DCDC1: variants seen among roughly 807,000 people sequenced by gnomAD.
The protein encoded by DCDC1 is doublecortin domain containing 1, also known as doublecortin domain-containing protein 1.
DCDC1 carries 200 observed loss-of-function variants against 178.3 expected under a neutral mutation model. That is an observed-to-expected ratio of 1.12 (90% CI 1.00 to 1.26). The LOEUF (loss-of-function observed/expected upper bound fraction) is 1.26. Among genes scored for constraint, DCDC1 ranks in the 50% most tolerant of loss-of-function variants. The pLI is 0.00. For synonymous variants in DCDC1, 690 were observed against 604.8 expected (o/e 1.14, Z -2.07); for missense variants, 1,983 against 1,749.2 (o/e 1.13, Z -2.38).
chr11:31,046,728 G>A (rs764523278), intron 20 of DCDC1, among the ~76,000 whole-genome samples: 3 of 151,632 alleles, frequency 2.0e-5, no homozygotes, highest in Non-Finnish European at 2.9e-5. Flanking sequence ...CGTGATGAGA[G>A]CTTTCTGCTT....
intron 1 of DCDC1, among the ~76,000 whole-genome samples, chr11:31,367,507 T>C (rs899250447): frequency 3.3e-5 from 5 of 151,790 alleles, no homozygotes; most frequent in African/African-American, 7.3e-5. Context: ...ATAGGGGAGG[T>C]TGGAAAAGTA....
rs193081426 is a variant in DCDC1, at chr11:31,037,991, G to A, written c.2591+26478C>T. Reference sequence around the variant, plus strand: ...TATGAGTGAGAACATGCGGTGTTTGGTTTTTTGTCCTTGCAATAGTTTGCT... The same window carrying A: ...TATGAGTGAGAACATGCGGTGTTTGATTTTTTGTCCTTGCAATAGTTTGCT... On this transcript the variant is annotated intron_variant, in intron 20 of 38. Transcript: ENST00000684477. Among the ~76,000 whole-genome samples, 47 of 143,636 alleles carry A rather than the reference G, an allele frequency of 3.3e-4. No individual in the cohort carries two copies. The East Asian group carries it at 7.0e-3, about 21-fold the overall frequency. The allele number at this position is 143,636 out of a possible 152,430, so 94.2% of individuals were successfully genotyped here. A position where few individuals can be genotyped will look rare whatever the true frequency, so the allele number is the denominator to read the frequency against.
intron 1 of DCDC1, among the ~76,000 whole-genome samples, chr11:31,354,620 C>G (rs961380192): frequency 6.6e-6 from 1 of 152,124 alleles, no homozygotes. Context: ...AATGACAGGT[C>G]ATATTATCAC....
chr11:31,022,006 C>CT (rs1952907982), intron 20 of DCDC1, among the ~76,000 whole-genome samples: 1 of 152,296 alleles, frequency 6.6e-6, no homozygotes, highest in South Asian at 2.1e-4. Flanking sequence ...TATCCAGTCC[C>CT]TACTCACTCA....
chr11:31,013,018 A>T (rs1444244304), intron 20 of DCDC1, among the ~76,000 whole-genome samples: 1 of 152,208 alleles, frequency 6.6e-6, no homozygotes, highest in African/African-American at 2.4e-5. Flanking sequence ...TGTAAAGCCA[A>T]TATGTCAACA....
chr11:31,307,299 TTC>T (rs1296465366), intron 4 of DCDC1: 1 of 208,970 alleles, frequency 4.8e-6, no homozygotes, highest in Non-Finnish European at 9.6e-6. Flanking sequence ...TTCAATTCAA[TTC>T]TGTTTCAAAC....
chr11:31,336,976 T>G (rs1178352030), intron 1 of DCDC1, among the ~76,000 whole-genome samples: 1 of 152,228 alleles, frequency 6.6e-6, no homozygotes, highest in African/African-American at 2.4e-5. Flanking sequence ...TCTGAACCTC[T>G]GACAACATGG....
At chr11:31,008,857 TAAA>T (rs1952004055) in intron 20 of DCDC1, among the ~76,000 whole-genome samples, 1 of 152,066 alleles carries the variant, frequency 6.6e-6, no homozygotes, top group African/African-American at 2.4e-5. Context: ...TAAATGAAAA[TAAA>T]AATTTCATAC....
At chr11:30,964,303 T>C (rs1005513526) in intron 20 of DCDC1, among the ~76,000 whole-genome samples, 2 of 152,172 alleles carry the variant, frequency 1.3e-5, no homozygotes, top group Admixed American at 6.6e-5. Flanking sequence ...CTAGACATCA[T>C]CTCAGGTTCA....
At chr11:31,110,191 A>G in intron 12 of DCDC1, 69 bp downstream of exon 12, 1 of 646,262 alleles carries the variant, frequency 1.5e-6, no homozygotes, top group Admixed American at 2.4e-5. Flanking sequence ...TTAAGATGTA[A>G]TTGTCTAAAT....
intron 9 of DCDC1, among the ~76,000 whole-genome samples, chr11:31,196,487 G>C (rs1236571496): frequency 6.6e-6 from 1 of 151,976 alleles, no homozygotes; most frequent in African/African-American, 2.4e-5. Flanking sequence ...ACAAACCTAG[G>C]GTTCCCATGA....
chr11:31,140,943 A>G (rs543402181), intron 9 of DCDC1, among the ~76,000 whole-genome samples: 1 of 152,292 alleles, frequency 6.6e-6, no homozygotes, highest in South Asian at 2.1e-4. Flanking sequence ...TTTTTAAAAC[A>G]TGTAGCCCCT....
intron 9 of DCDC1, among the ~76,000 whole-genome samples, chr11:31,187,455 C>T (rs777908736): frequency 9.9e-5 from 15 of 152,214 alleles, no homozygotes; most frequent in Admixed American, 3.9e-4. Flanking sequence ...AACAAGAAGT[C>T]ACTAGAAGCT....
chr11:31,296,756 T>C (rs113554371), intron 6 of DCDC1, among the ~76,000 whole-genome samples: 274 of 151,946 alleles, frequency 1.8e-3, no homozygotes, highest in Middle Eastern at 0.017. Context: ...CTCTTCACAG[T>C]GTGGAAAGAA....
chr11:31,152,558 T>C (rs780528237), intron 9 of DCDC1, among the ~76,000 whole-genome samples: 7 of 152,226 alleles, frequency 4.6e-5, no homozygotes, highest in Non-Finnish European at 1.0e-4. Flanking sequence ...ACTAAAGTCC[T>C]CTAATCTCTT....
intron 7 of DCDC1, chr11:31,280,842 A>T: frequency 1.6e-6 from 1 of 624,322 alleles, no homozygotes; most frequent in African/African-American, 1.8e-5. Flanking sequence ...GCATCTGTGT[A>T]AGTGAATACA....
intron 1 of DCDC1, among the ~76,000 whole-genome samples, chr11:31,347,687 C>T (rs1183715784): frequency 1.3e-5 from 2 of 152,068 alleles, no homozygotes; most frequent in African/African-American, 4.8e-5. Context: ...CAGCCTTCCC[C>T]ATAATAATGT....
intron 29 of DCDC1, among the ~76,000 whole-genome samples, chr11:30,908,062 T>C (rs1945197436): frequency 1.3e-5 from 2 of 152,236 alleles, no homozygotes; most frequent in African/African-American, 4.8e-5. Flanking sequence ...GAGGGCAACA[T>C]TAAGTGAAAT....
intron 29 of DCDC1, 73 bp from the exon 30 acceptor site, chr11:30,906,798 C>A: frequency 7.4e-7 from 1 of 1,342,320 alleles, no homozygotes. Context: ...GAACATTTTA[C>A]AATATAAATA....
Sources: allele counts gnomAD v4.1 joint callset (sites outside exome capture counted in the v4.1 genomes callset), GRCh38; gene constraint gnomAD v4.1.1; transcripts MANE v1.5; gene names NCBI Gene and HGNC (gene_info 2026-07-23, HGNC 2026-07-21).